POLD3: variants seen among roughly 807,000 people sequenced by gnomAD.
The protein encoded by POLD3 is DNA polymerase delta subunit 3.
In POLD3, 19 loss-of-function variants were observed where a neutral mutation model predicts 58.2. That is an observed-to-expected ratio of 0.33 (90% CI 0.23 to 0.48). The LOEUF is 0.48. Ranked by LOEUF, POLD3 falls within the 20% of genes least tolerant of loss-of-function variation. The pLI is 0.99. For synonymous variants in POLD3, 172 were observed against 193.5 expected (o/e 0.89, Z 0.92); for missense variants, 504 against 545.5 (o/e 0.92, Z 0.76).
chr11:74,592,943 G>T (rs555808891), intron 1 of POLD3: 2 of 1,402,020 alleles, frequency 1.4e-6, no homozygotes, highest in African/African-American at 1.5e-5. Flanking sequence ...TGGGCGTGCT[G>T]GGAACAGAGC....
chr11:74,607,411 C>T (rs1361988433), intron 3 of POLD3, among the ~76,000 whole-genome samples: 14 of 149,888 alleles, frequency 9.3e-5, no homozygotes, highest in Non-Finnish European at 1.5e-4. Context: ...TACAGGCGCC[C>T]GCCACCACGC....
intron 9 of POLD3, among the ~76,000 whole-genome samples, chr11:74,631,182 T>C (rs1389039718): frequency 2.0e-5 from 3 of 152,230 alleles, no homozygotes; most frequent in Non-Finnish European, 4.4e-5. Flanking sequence ...TTACACTGAA[T>C]ATGTCATATT....
intron 3 of POLD3, 68 bp downstream of exon 3, chr11:74,604,862 C>G: frequency 1.2e-6 from 1 of 809,830 alleles, no homozygotes; most frequent in Non-Finnish European, 2.1e-6. Flanking sequence ...TAACATAGTT[C>G]AGGGGAGAGA....
At chr11:74,646,931 CG>C (rs1269224426), downstream of POLD3, among the ~76,000 whole-genome samples, 10 of 152,156 alleles carry the variant, frequency 6.6e-5, no homozygotes, top group South Asian at 2.1e-4. Flanking sequence ...CACCAGGGAC[CG>C]GTTTCATGGA....
chr11:74,643,638 G>A (rs780100270), downstream of POLD3, among the ~76,000 whole-genome samples: 117 of 152,330 alleles, frequency 7.7e-4, 2 homozygotes, highest in Middle Eastern at 0.01. Context: ...TGGCTTTTGG[G>A]AGAGGTGGGC....
chr11:74,597,330 T>C (rs541381953), intron 2 of POLD3, among the ~76,000 whole-genome samples: 1 of 152,272 alleles, frequency 6.6e-6, no homozygotes, highest in Non-Finnish European at 1.5e-5. Context: ...TATGAAGATT[T>C]ACTCCTGTGC....
chr11:74,619,921 C>A, intron 6 of POLD3, 96 bp from the exon 7 acceptor site: 2 of 904,272 alleles, frequency 2.2e-6, no homozygotes, highest in Non-Finnish European at 3.7e-6. Context: ...ACTATACCAT[C>A]GCAACAGTTT....
At chr11:74,609,370 A>AT (rs1207908706) in intron 3 of POLD3, among the ~76,000 whole-genome samples, 12 of 18,112 alleles carry the variant, frequency 6.6e-4, no homozygotes, top group South Asian at 5.0e-3. Context: ...ATATATATAT[A>AT]TATTTTTTTT....
At position 74,640,552 on chromosome 11, in the gene POLD3, T is replaced by C. The variant is rs1214111700; in HGVS notation, c.1199-12T>C. 1 of 1,479,622 alleles carries C rather than the reference T, an allele frequency of 6.8e-7. No individual in the cohort carries two copies. Among genetic ancestry groups the C allele is most frequent in the African/African-American group, 1.4e-5 (1 of 69,878 alleles). 91.7% of individuals were successfully genotyped at this position (1,479,622 alleles called of 1,614,324 possible). The stretch of plus-strand genomic sequence containing the variant: ...AGCCCACCCATGTTCCATTTTTTTC[T>C]CATCCTACCAGTGACTGAAAAAGTC... On this transcript the variant is annotated splice_polypyrimidine_tract_variant and intron_variant, in intron 11 of 11. Coordinates refer to ENST00000263681, the MANE Select transcript of POLD3 (RefSeq NM_006591.3).
At chr11:74,620,396 G>T (rs1231075730) in intron 7 of POLD3, among the ~76,000 whole-genome samples, 1 of 152,138 alleles carries the variant, frequency 6.6e-6, no homozygotes, top group Non-Finnish European at 1.5e-5. Context: ...AAAATAAAAG[G>T]GAGGCTGCCT....
intron 2 of POLD3, among the ~76,000 whole-genome samples, chr11:74,598,074 GAA>G (rs2031341891): frequency 6.6e-6 from 1 of 151,814 alleles, no homozygotes; most frequent in Non-Finnish European, 1.5e-5. Flanking sequence ...CTCTAAAAGA[GAA>G]AGAGAGGAGA....
intron 4 of POLD3, among the ~76,000 whole-genome samples, chr11:74,667,847 TA>T (rs2033291364): frequency 2.6e-5 from 4 of 152,164 alleles, no homozygotes; most frequent in Non-Finnish European, 5.9e-5. Flanking sequence ...CCAGAATCTA[TA>T]AAGAACATTT....
At chr11:74,653,345 A>T (rs1240112669) in intron 4 of POLD3, among the ~76,000 whole-genome samples, 1 of 152,264 alleles carries the variant, frequency 6.6e-6, no homozygotes, top group Admixed American at 6.5e-5. Context: ...AGTGTGGTCC[A>T]TAACATAAGT....
intron 1 of POLD3, among the ~76,000 whole-genome samples, chr11:74,593,305 C>A (rs760799946): frequency 3.3e-5 from 5 of 152,144 alleles, no homozygotes; most frequent in African/African-American, 7.2e-5. Flanking sequence ...CATCCCAGGT[C>A]GGTGGTGGTA....
At position 74,642,647 on chromosome 11, in the gene POLD3, AGTG is replaced by A; in HGVS notation, c.*1885_*1887del. ...TGTCTGCAAGGCTTAGTAAGTATTG[AGTG>A]GTGTTTTTTTTTTCTTTTTATACAA... On this transcript the variant is annotated 3_prime_UTR_variant, in exon 12 of 12. Coordinates refer to ENST00000263681, the MANE Select transcript of POLD3 (RefSeq NM_006591.3). 1.0e-6 allele frequency: 1 copy of A among 977,912 alleles called. No homozygotes were observed. The highest frequency in any genetic ancestry group is 1.2e-6 in the Non-Finnish European group (1 of 824,134). 60.6% of individuals were successfully genotyped at this position (977,912 alleles called of 1,614,324 possible). A position where few individuals can be genotyped will look rare whatever the true frequency, so the allele number is the denominator to read the frequency against.
chr11:74,605,180 A>C (rs1035561789), intron 3 of POLD3, among the ~76,000 whole-genome samples: 2 of 152,174 alleles, frequency 1.3e-5, no homozygotes, highest in African/African-American at 4.8e-5. Context: ...TTTAATTTTG[A>C]ACATTCATTT....
intron 6 of POLD3, among the ~76,000 whole-genome samples, chr11:74,619,202 C>A (rs2032174591): frequency 6.6e-6 from 1 of 152,114 alleles, no homozygotes; most frequent in Non-Finnish European, 1.5e-5. Flanking sequence ...GTGTATTTCC[C>A]ATTCTTATAC....
rs2033124918 is a variant in POLD3, at chr11:74,655,661, A to G, written c.370-13116A>G. Among the ~76,000 whole-genome samples the G allele has an allele frequency of 2.0e-5, 3 of 150,384 alleles. No homozygotes were observed. In the South Asian group the frequency reaches 6.3e-4, roughly 31 times the overall value. On this transcript the variant is annotated intron_variant, in intron 4 of 4. Coordinates refer to the POLD3 transcript ENST00000524752. Reference sequence around the variant, plus strand: ...AAATTCAACACCTATATTTGACCAAAAAAAAAAAAAAGAACACTTTTCAAA... The same window carrying G: ...AAATTCAACACCTATATTTGACCAAGAAAAAAAAAAAGAACACTTTTCAAA...
chr11:74,628,946 A>G lies in POLD3; in HGVS notation c.900-271A>G, dbSNP rs1204319782. The G allele has an allele frequency of 1.1e-5, 3 of 266,284 alleles. 1 individual carries two copies. The highest frequency in any genetic ancestry group is 6.6e-5 in the African/African-American group (3 of 45,240). The allele number at this position is 266,284 out of a possible 1,614,324, so 16.5% of individuals were successfully genotyped here. A position where few individuals can be genotyped will look rare whatever the true frequency, so the allele number is the denominator to read the frequency against. ...AAGGCCAATCAGGGAAGTAAGAAGG[A>G]ATTTGGAAAGATTCTTGATAACCTG... On this transcript the variant is annotated intron_variant, in intron 8 of 11. Coordinates refer to ENST00000263681, the MANE Select transcript of POLD3 (RefSeq NM_006591.3).
Sources: gnomAD v4.1 joint callset for allele counts (sites outside exome capture counted in the v4.1 genomes callset) on GRCh38, gnomAD v4.1.1 for gene constraint, MANE v1.5 for transcripts, NCBI Gene and HGNC (gene_info 2026-07-23, HGNC 2026-07-21) for gene names.